AGMAT: variants seen among roughly 807,000 people sequenced by gnomAD.
The protein encoded by AGMAT is agmatinase (putative).
AGMAT carries 37 observed loss-of-function variants against 29.3 expected under a neutral mutation model. The ratio of observed to expected loss-of-function variants is 1.26; its 90% CI spans 0.97 to 1.66. The LOEUF is 1.66. Among genes scored for constraint, AGMAT ranks in the 40% most tolerant of loss-of-function variants. The probability of loss-of-function intolerance (pLI) is 0.00; values close to 1 mark genes in which losing one functional copy is unlikely to be tolerated. For synonymous variants in AGMAT, 199 were observed against 200.8 expected, an observed-to-expected ratio of 0.99 and a Z score of 0.08; for missense variants, 498 against 497.8, an observed-to-expected ratio of 1.00 and a Z score of 0.00.
At position 15,584,974 on chromosome 1, in the gene AGMAT, G is replaced by T. The variant is rs370269065; in HGVS notation, c.-7C>A. The T allele has an allele frequency of 2.8e-4, 376 of 1,327,888 alleles. 4 individuals carry two copies. The South Asian group carries it at 7.4e-3, about 26-fold the overall frequency. 82.3% of individuals were successfully genotyped at this position (1,327,888 alleles called of 1,614,324 possible). On this transcript the variant is annotated 5_prime_UTR_variant, in exon 1 of 7. Coordinates refer to ENST00000375826, the MANE Select transcript of AGMAT (RefSeq NM_024758.5). ...ACGCCAGCAGCCTCAGCATTGCCGC[G>T]CGCGGCCAAGACCTCACCGACCAAA...
intron 5 of AGMAT, chr1:15,575,796 G>C (rs925399798): frequency 6.6e-6 from 1 of 150,820 alleles, no homozygotes; most frequent in Admixed American, 6.6e-5. Context: ...TCTGTCACCC[G>C]GGCTATAGTG....
At chr1:15,582,686 C>T (rs1353091856) in intron 2 of AGMAT, among the ~76,000 whole-genome samples, 3 of 152,134 alleles carry the variant, frequency 2.0e-5, no homozygotes, top group African/African-American at 7.2e-5. Context: ...CAGTTCTCCT[C>T]GCAAATAAAG....
chr1:15,584,752 G>C lies in AGMAT; in HGVS notation c.216C>G (p.Asp72Glu), dbSNP rs1639162320. ...CCAGGGGCACCCCGATGAAGGCAGC[G>C]TCCAGCCCCTCGGGGGAGGTCTGCA... ...LPVQTSPEGLDAAFIGVPLDT... is the reference protein window; with the variant it reads ...LPVQTSPEGLEAAFIGVPLDT... Residue 72 changes from aspartate (D) to glutamate (E), a missense_variant, in exon 1 of 7, where the codon GAC (aspartate) becomes GAG (glutamate). Physicochemically the swap from Asp to Glu is conservative, Grantham distance 45 (BLOSUM62 2). Transcript: ENST00000375826. 1.5e-6 allele frequency: 2 copies of C among 1,354,726 alleles called. No individual in the cohort carries two copies. Among genetic ancestry groups the C allele is most frequent in the Middle Eastern group, 4.0e-4 (2 of 5,016 alleles). 83.9% of individuals were successfully genotyped at this position (1,354,726 alleles called of 1,614,324 possible).
intron 6 of AGMAT, among the ~76,000 whole-genome samples, chr1:15,574,439 G>A (rs7535561): frequency 0.011 from 1,718 of 150,312 alleles, 37 homozygotes; most frequent in African/African-American, 0.039. Flanking sequence ...GTGCAGTGGC[G>A]CAATCTCAGC....
In AGMAT at chr1:15,573,681, T is replaced by C. The variant is rs771459382; in HGVS notation, c.1029A>G (p.Leu343=). The C allele has an allele frequency of 1.9e-6, 3 of 1,614,084 alleles. No individual in the cohort carries two copies. The African/African-American group carries it at 4.0e-5, about 22-fold the overall frequency. Residue 343 remains leucine, a synonymous_variant, in exon 7 of 7, where the codon CTA becomes CTG. Coordinates refer to ENST00000375826, the MANE Select transcript of AGMAT (RefSeq NM_024758.5). ...CGGTTGTCACTTTGGGGAGAGCACA[T>C]AGCATCTCAAACAGCAGGTTAGCCG... The part of the protein sequence containing the change: ...LLAANLLFEM[L]CALPKVTTV
In AGMAT at chr1:15,584,978, G is replaced by T. The variant is rs1332431088; in HGVS notation, c.-11C>A. The T allele has an allele frequency of 7.6e-7, 1 of 1,311,596 alleles. No individual in the cohort carries two copies. The highest frequency in any genetic ancestry group is 9.6e-7 in the Non-Finnish European group (1 of 1,037,284). 81.2% of individuals were successfully genotyped at this position (1,311,596 alleles called of 1,614,324 possible). On this transcript the variant is annotated 5_prime_UTR_variant, in exon 1 of 7. Coordinates refer to ENST00000375826, the MANE Select transcript of AGMAT (RefSeq NM_024758.5). ...CAGCAGCCTCAGCATTGCCGCGCGC[G>T]GCCAAGACCTCACCGACCAAACCGC...
intron 4 of AGMAT, among the ~76,000 whole-genome samples, chr1:15,578,368 C>T (rs1413700617): frequency 6.6e-6 from 1 of 151,904 alleles, no homozygotes; most frequent in African/African-American, 2.4e-5. Flanking sequence ...GATCTCAGCT[C>T]ACTGCAACCT....
Position 15,580,105 on chromosome 1 carries a change from C to A in AGMAT, c.513G>T (p.Ala171=). 1.2e-6 allele frequency: 2 copies of A among 1,613,292 alleles called. No homozygotes were observed. The highest frequency in any genetic ancestry group is 1.7e-6 in the Non-Finnish European group (2 of 1,179,732). ...DHTITYPILQ[A]MAKKHGPVGL... ...CATTTGAGACTTACTTTTTTGCCATCGCTTGCAATATGGGATATGTGATTG... is the reference window on the plus strand; with the variant it reads ...CATTTGAGACTTACTTTTTTGCCATAGCTTGCAATATGGGATATGTGATTG... The change falls in exon 3 of 7, where the codon GCG becomes GCT. Residue 171 remains alanine, a synonymous_variant. Transcript: ENST00000375826.
At chr1:15,578,662 C>T (rs980324934) in intron 4 of AGMAT, among the ~76,000 whole-genome samples, 197 bp downstream of exon 4, 1 of 152,064 alleles carries the variant, frequency 6.6e-6, no homozygotes, top group African/African-American at 2.4e-5. Context: ...CCCCGCCCAG[C>T]GATAGACTTC....
Position 15,583,427 on chromosome 1 carries a change from C to G in AGMAT, c.273-32G>C, listed in dbSNP as rs774889984. On this transcript the variant is annotated intron_variant, in intron 1 of 6. Coordinates refer to ENST00000375826, the MANE Select transcript of AGMAT (RefSeq NM_024758.5). ...AAGGAAGAATCATCCTGTCAGCCAT[C>G]ATCTGCAGAGATTTCAGGCTTTGCT... is the stretch of plus-strand genomic sequence containing the variant. The G allele has an allele frequency of 5.7e-6, 9 of 1,588,720 alleles. No homozygotes were observed. In the Middle Eastern group the frequency reaches 7.9e-4, roughly 139 times the overall value.
Position 15,584,686 on chromosome 1 carries a change from C to T in AGMAT, c.272+10G>A. 1 of 1,316,536 alleles carries T rather than the reference C, an allele frequency of 7.6e-7. No individual in the cohort carries two copies. The highest frequency in any genetic ancestry group is 9.7e-7 in the Non-Finnish European group (1 of 1,027,710). 81.6% of individuals were successfully genotyped at this position (1,316,536 alleles called of 1,614,324 possible). A position where few individuals can be genotyped will look rare whatever the true frequency, so the allele number is the denominator to read the frequency against. ...CCACGTGTACCCGGCCCCCGTCCTT[C>T]CGGCCTTACCTCGCCCCAGGCCGGT... On this transcript the variant is annotated intron_variant, in intron 1 of 6. Coordinates refer to ENST00000375826, the MANE Select transcript of AGMAT (RefSeq NM_024758.5).
At chr1:15,582,946 C>T (rs10803393) in intron 2 of AGMAT, among the ~76,000 whole-genome samples, 95,255 of 152,050 alleles carry the variant, frequency 0.63, 30,896 homozygotes, top group African/African-American at 0.79. Flanking sequence ...TGCAATGTGC[C>T]GAGATTGCAC....
At chr1:15,578,058 G>A (rs1639063186) in intron 4 of AGMAT, among the ~76,000 whole-genome samples, 194 bp from the exon 5 acceptor site, 1 of 152,220 alleles carries the variant, frequency 6.6e-6, no homozygotes. Flanking sequence ...CTGACTGATG[G>A]AGTTGGAATC....
At position 15,583,199 on chromosome 1, in the gene AGMAT, T is replaced by G; in HGVS notation, c.469A>C (p.Thr157Pro). Reference sequence around the variant, plus strand: ...TCTTGCAGACTGACATTACCCAAGGTCAGAGGAATACAGCCAGCTGCTACA... The same window carrying G: ...TCTTGCAGACTGACATTACCCAAGGGCAGAGGAATACAGCCAGCTGCTACA... ...KIVAAGCIPL[T>P]LGGDHTITYP... Residue 157 changes from threonine (T) to proline (P), a missense_variant, in exon 2 of 7, where the codon ACC becomes CCC. By Grantham distance (38) the Thr-to-Pro change is conservative (BLOSUM62 -1). Transcript: ENST00000375826. 2 of 1,613,948 alleles carry G rather than the reference T, an allele frequency of 1.2e-6. No homozygotes were observed. Among genetic ancestry groups the G allele is most frequent in the Non-Finnish European group, 1.7e-6 (2 of 1,180,020 alleles).
intron 6 of AGMAT, among the ~76,000 whole-genome samples, chr1:15,574,508 A>G (rs567942548): frequency 6.6e-6 from 1 of 151,518 alleles, no homozygotes; most frequent in East Asian, 1.9e-4. Context: ...CCTCCTGAGT[A>G]CCTGGGATTA....
At position 15,584,751 on chromosome 1, in the gene AGMAT, C is replaced by T; in HGVS notation, c.217G>A (p.Ala73Thr). The T allele has an allele frequency of 7.4e-7, 1 of 1,349,498 alleles. No homozygotes were observed. The highest frequency in any genetic ancestry group is 9.6e-7 in the Non-Finnish European group (1 of 1,045,504). The allele number at this position is 1,349,498 out of a possible 1,614,324, so 83.6% of individuals were successfully genotyped here. A position where few individuals can be genotyped will look rare whatever the true frequency, so the allele number is the denominator to read the frequency against. The stretch of plus-strand genomic sequence containing the variant: ...TCCAGGGGCACCCCGATGAAGGCAG[C>T]GTCCAGCCCCTCGGGGGAGGTCTGC... ...PVQTSPEGLD[A>T]AFIGVPLDTG... Residue 73 changes from alanine to threonine, a missense_variant, in exon 1 of 7, where the codon GCT (alanine) becomes ACT (threonine). Coordinates refer to ENST00000375826, the MANE Select transcript of AGMAT (RefSeq NM_024758.5).
At chr1:15,584,413 G>C (rs1639156680) in intron 1 of AGMAT, among the ~76,000 whole-genome samples, 2 of 151,966 alleles carry the variant, frequency 1.3e-5, no homozygotes, top group South Asian at 4.1e-4. Context: ...GCCTCCCAAA[G>C]TGCTGGGATT....
At chr1:15,580,201 C>CTTTTTTTTTTTTTTTTTTTTTTTTTTT (rs34166013) in intron 2 of AGMAT, 59 bp from the exon 3 acceptor site, 1 of 492,028 alleles carries the variant, frequency 2.0e-6, no homozygotes, top group Non-Finnish European at 3.2e-6. Context: ...ATAGAATAAT[C>CTTTTTTTTTTTTTTTTTTTTTTTTTTT]TTTTTTTTTT....
Position 15,584,841 on chromosome 1 carries a change from G to A in AGMAT, c.127C>T (p.Gln43Ter), listed in dbSNP as rs778310622. 1 of 1,431,374 alleles carries A rather than the reference G, an allele frequency of 7.0e-7. No individual in the cohort carries two copies. Among genetic ancestry groups the A allele is most frequent in the Non-Finnish European group, 9.1e-7 (1 of 1,097,458 alleles). The allele number at this position is 1,431,374 out of a possible 1,614,324, so 88.7% of individuals were successfully genotyped here. A position where few individuals can be genotyped will look rare whatever the true frequency, so the allele number is the denominator to read the frequency against. ...GCCACGAACTCGGGGCTGGGGGGCTGGTTCCGGGGCGCGTCGGAAGCCTGG... is the reference window on the plus strand; with the variant it reads ...GCCACGAACTCGGGGCTGGGGGGCTAGTTCCGGGGCGCGTCGGAAGCCTGG... Reference protein sequence around the residue: ...SRQASDAPRNQPPSPEFVARP... With the variant: ...SRQASDAPRN The change falls in exon 1 of 7, where the codon CAG becomes TAG. Residue 43 changes from glutamine (Q) to a stop codon, truncating the protein, a stop_gained. Coordinates refer to ENST00000375826, the MANE Select transcript of AGMAT (RefSeq NM_024758.5). LOFTEE classifies it high-confidence loss of function.
Sources: allele counts gnomAD v4.1 joint callset (sites outside exome capture counted in the v4.1 genomes callset), GRCh38; gene constraint gnomAD v4.1.1; transcripts MANE v1.5; gene names NCBI Gene and HGNC (gene_info 2026-07-23, HGNC 2026-07-21).